Variants in CAST observed in about 807,000 individuals in gnomAD.
CAST encodes the protein calpastatin.
CAST carries 76 observed loss-of-function variants against 119.6 expected under a neutral mutation model. The observed-to-expected ratio is 0.64, with a 90% CI of 0.53 to 0.77. The LOEUF is 0.77. Ranked by LOEUF, CAST falls within the 30% of genes least tolerant of loss-of-function variation. The pLI is 0.00. For synonymous variants in CAST, 319 were observed against 331.6 expected (o/e 0.96, Z 0.41); for missense variants, 953 against 946.5 (o/e 1.01, Z -0.09).
At chr5:96,560,367 A>G (rs1746332034) in intron 1 of CAST, among the ~76,000 whole-genome samples, 1 of 151,910 alleles carries the variant, frequency 6.6e-6, no homozygotes, top group African/African-American at 2.4e-5. Flanking sequence ...GGATCTAATT[A>G]AACTAAAGAG....
intron 1 of CAST, among the ~76,000 whole-genome samples, chr5:96,566,007 C>T (rs1005342369): frequency 1.3e-5 from 2 of 152,244 alleles, no homozygotes; most frequent in African/African-American, 4.8e-5. Flanking sequence ...GAATCATCAG[C>T]CCTAGTATCC....
At chr5:96,306,549 G>C in the CAST span, among the ~76,000 whole-genome samples, 1 of 151,910 alleles carries the variant, frequency 6.6e-6, no homozygotes, top group African/African-American at 2.4e-5. Flanking sequence ...TTAAGGTGTT[G>C]ATTTTAGATC....
intron 1 of CAST, among the ~76,000 whole-genome samples, chr5:96,596,300 G>A (rs1412752583): frequency 6.6e-6 from 1 of 152,150 alleles, no homozygotes; most frequent in Admixed American, 6.5e-5. Context: ...CCAGAGGCTG[G>A]AGCAATGTGT....
At chr5:96,200,161 T>C in the CAST span, among the ~76,000 whole-genome samples, 3 of 152,248 alleles carry the variant, frequency 2.0e-5, no homozygotes, top group South Asian at 6.2e-4. Flanking sequence ...GTTTGCATGA[T>C]ACCTGTACCC....
chr5:96,048,377 T>C, the CAST span, among the ~76,000 whole-genome samples: 4 of 151,874 alleles, frequency 2.6e-5, no homozygotes, highest in Admixed American at 6.6e-5. Context: ...ATGACCAGAG[T>C]AGGTGGCTTC....
the CAST span, among the ~76,000 whole-genome samples, chr5:96,003,418 G>A: frequency 7.3e-5 from 11 of 151,646 alleles, no homozygotes; most frequent in East Asian, 1.7e-3. Context: ...GGCGCCTGTA[G>A]TCCCAGCTAC....
chr5:96,408,398 T>A, the CAST span: 1 of 1,010,772 alleles, frequency 9.9e-7, no homozygotes, highest in Non-Finnish European at 1.5e-6. Context: ...GGGTTAACTG[T>A]ACCAAAGGCT....
At chr5:96,486,688 T>C in the CAST span, among the ~76,000 whole-genome samples, 1 of 134,264 alleles carries the variant, frequency 7.4e-6, no homozygotes, top group Non-Finnish European at 1.6e-5. Flanking sequence ...TGGAGTTCTA[T>C]GTAGGATCTT....
intron 9 of CAST, 74 bp from the exon 10 acceptor site, chr5:96,736,098 T>G: frequency 2.2e-6 from 2 of 892,900 alleles, no homozygotes. Context: ...ATAATGAATT[T>G]ATTTTAAAAT....
chr5:96,320,539 GC>G, the CAST span, among the ~76,000 whole-genome samples: 1 of 152,064 alleles, frequency 6.6e-6, no homozygotes, highest in African/African-American at 2.4e-5. Context: ...TGCCCGGTCG[GC>G]TTTTGCTTGA....
the CAST span, among the ~76,000 whole-genome samples, chr5:96,403,176 G>T: frequency 6.6e-6 from 1 of 152,180 alleles, no homozygotes; most frequent in East Asian, 1.9e-4. Context: ...TGCAGTTGCA[G>T]GTTATTTTGT....
chr5:96,449,146 C>T, the CAST span, among the ~76,000 whole-genome samples: 4,711 of 152,216 alleles, frequency 0.031, 221 homozygotes, highest in African/African-American at 0.1. Flanking sequence ...CTAAAAGCCC[C>T]TCTCTGCTTA....
the CAST span, among the ~76,000 whole-genome samples, chr5:96,069,377 G>A: frequency 0.35 from 45,542 of 130,030 alleles, 7,073 homozygotes; most frequent in African/African-American, 0.44. Flanking sequence ...GTGTGTGTGT[G>A]TGTGTCTATG....
chr5:96,122,763 A>G, the CAST span, among the ~76,000 whole-genome samples: 1 of 152,150 alleles, frequency 6.6e-6, no homozygotes, highest in Non-Finnish European at 1.5e-5. Flanking sequence ...ATATATTTAT[A>G]GAAGTGAAAT....
At chr5:95,970,331 G>C in the CAST span, 1 of 152,236 alleles carries the variant, frequency 6.6e-6, no homozygotes, top group Non-Finnish European at 1.5e-5. Context: ...GATTACTAGG[G>C]AGAAAGTAAG....
chr5:96,355,235 G>A, the CAST span, among the ~76,000 whole-genome samples: 1 of 144,822 alleles, frequency 6.9e-6, no homozygotes, highest in Non-Finnish European at 1.5e-5. Flanking sequence ...CTGTGTCCAT[G>A]TGTTCTCCTT....
chr5:96,219,918 C>G, the CAST span, among the ~76,000 whole-genome samples: 1 of 152,216 alleles, frequency 6.6e-6, no homozygotes, highest in Admixed American at 6.5e-5. Context: ...TGCTAAAGGT[C>G]TGTCAGAGCC....
chr5:96,315,962 G>C, the CAST span, among the ~76,000 whole-genome samples: 2 of 152,110 alleles, frequency 1.3e-5, no homozygotes, highest in Non-Finnish European at 2.9e-5. Context: ...GGACCATTCA[G>C]ACCACCTAAG....
the CAST span, among the ~76,000 whole-genome samples, chr5:96,344,055 T>C: frequency 6.6e-6 from 1 of 152,238 alleles, no homozygotes; most frequent in African/African-American, 2.4e-5. Context: ...AATTTTACAC[T>C]TACCCTTGTG....
Sources: gnomAD v4.1 joint callset for allele counts (sites outside exome capture counted in the v4.1 genomes callset) on GRCh38, gnomAD v4.1.1 for gene constraint, MANE v1.5 for transcripts, NCBI Gene and HGNC (gene_info 2026-07-23, HGNC 2026-07-21) for gene names.